Variants in DMBX1 observed in about 807,000 individuals in gnomAD.
DMBX1 encodes the protein diencephalon/mesencephalon homeobox protein 1.
In DMBX1, 7 loss-of-function variants were observed where a neutral mutation model predicts 30.4. The ratio of observed to expected loss-of-function variants is 0.23; its 90% CI spans 0.13 to 0.43. The LOEUF (loss-of-function observed/expected upper bound fraction) is 0.43, where lower values mean the gene tolerates loss of function less well. Among genes scored for constraint, DMBX1 ranks in the 20% least tolerant of loss-of-function variants. DMBX1 has a pLI of 1.00. For missense variants in DMBX1, 460 were observed against 508.5 expected (o/e 0.90, Z 0.92); for synonymous variants, 222 against 214.2 (o/e 1.04, Z -0.32).
At chr1:46,501,334 G>A (rs1327910663) in intron 2 of DMBX1, among the ~76,000 whole-genome samples, 1 of 149,540 alleles carries the variant, frequency 6.7e-6, no homozygotes, top group Non-Finnish European at 1.5e-5. Context: ...AGGCTGGAGT[G>A]CAGTGACATG....
Position 46,512,663 on chromosome 1 carries a change from C to A in DMBX1, c.*169C>A. The A allele has an allele frequency of 1.4e-6, 1 of 730,712 alleles. No homozygotes were observed. The highest frequency in any genetic ancestry group is 2.2e-6 in the Non-Finnish European group (1 of 457,792). 45.3% of individuals were successfully genotyped at this position (730,712 alleles called of 1,614,324 possible). ...CCCCAGCCCGAGGTGAAGCCCACAC[C>A]TACACACCCTCTGCATGGCCCTGCC... On this transcript the variant is annotated 3_prime_UTR_variant, in exon 6 of 6. Transcript: ENST00000360032. This position sits in a 1 kb window ranked among gnomAD's most constrained non-coding sequence, Gnocchi z 4.8.
intron 2 of DMBX1, among the ~76,000 whole-genome samples, chr1:46,500,859 C>T (rs940984010): frequency 5.3e-5 from 8 of 152,144 alleles, no homozygotes; most frequent in Non-Finnish European, 7.3e-5. Context: ...AATCCTCTCT[C>T]GATGGACAGT....
chr1:46,489,995 G>T (rs958538731), intron 1 of DMBX1, among the ~76,000 whole-genome samples, 118 bp downstream of exon 1: 1 of 152,178 alleles, frequency 6.6e-6, no homozygotes, highest in African/African-American at 2.4e-5. Flanking sequence ...CTGCAGTCCC[G>T]GACCCACTGG....
intron 2 of DMBX1, among the ~76,000 whole-genome samples, chr1:46,496,833 G>A: frequency 6.6e-6 from 1 of 152,206 alleles, no homozygotes; most frequent in Middle Eastern, 3.2e-3. Flanking sequence ...TGGAGTTGGG[G>A]CAGGAGCCCT....
chr1:46,510,717 T>G lies in DMBX1; in HGVS notation c.333+63T>G. ...ACACCAGCCCATCAGTCTGCCCGCT[T>G]GTCCAGGAGCCAGCATGTCATCCCT... On this transcript the variant is annotated intron_variant, in intron 4 of 5. Coordinates refer to ENST00000360032, the MANE Select transcript of DMBX1 (RefSeq NM_172225.2). The surrounding 1 kb of genome is among the most constrained non-coding windows in gnomAD (Gnocchi z 4.1). 2 of 1,553,788 alleles carry G rather than the reference T, an allele frequency of 1.3e-6. No individual in the cohort carries two copies. Among genetic ancestry groups the G allele is most frequent in the East Asian group, 4.5e-5 (2 of 43,960 alleles).
At chr1:46,508,611 C>G (rs1666286705) in intron 3 of DMBX1, among the ~76,000 whole-genome samples, 1 of 152,168 alleles carries the variant, frequency 6.6e-6, no homozygotes, top group Non-Finnish European at 1.5e-5. Context: ...GACCAGAGCA[C>G]AGAGAGGAGT....
intron 2 of DMBX1, among the ~76,000 whole-genome samples, chr1:46,496,685 C>T (rs55976627): frequency 0.2 from 29,693 of 152,222 alleles, 2,992 homozygotes; most frequent in South Asian, 0.27. Context: ...CGAATCCCTC[C>T]TTTTCGGCCT....
intron 2 of DMBX1, among the ~76,000 whole-genome samples, chr1:46,500,972 G>A (rs1368087136): frequency 6.6e-6 from 1 of 151,990 alleles, no homozygotes; most frequent in Non-Finnish European, 1.5e-5. Context: ...TGGAATCATT[G>A]GGTCAAAGAC....
At chr1:46,509,292 T>G (rs1666305298) in intron 3 of DMBX1, among the ~76,000 whole-genome samples, 1 of 152,280 alleles carries the variant, frequency 6.6e-6, no homozygotes, top group South Asian at 2.1e-4. Flanking sequence ...CAGGCTGGTC[T>G]CGAACTCCTG....
At position 46,491,100 on chromosome 1, in the gene DMBX1, G is replaced by C. The variant is rs551802999; in HGVS notation, c.-13+317G>C. Among the ~76,000 whole-genome samples, 1 of 152,320 alleles carries C rather than the reference G, an allele frequency of 6.6e-6. No homozygotes were observed. Among genetic ancestry groups the C allele is most frequent in the Non-Finnish European group, 1.5e-5 (1 of 68,030 alleles). On this transcript the variant is annotated intron_variant, in intron 2 of 5. Coordinates refer to ENST00000360032, the MANE Select transcript of DMBX1 (RefSeq NM_172225.2). This position sits in a 1 kb window ranked among gnomAD's most constrained non-coding sequence, Gnocchi z 5.5. ...GCGGTCACAAATTCCCGGAACCTGC[G>C]CAGGGGCTTCGTTGGCACTGGTGGT...
At chr1:46,509,590 CTAGACCTCGGCCCTAGG>C (rs1429921792) in intron 3 of DMBX1, among the ~76,000 whole-genome samples, 1 of 152,158 alleles carries the variant, frequency 6.6e-6, no homozygotes, top group Non-Finnish European at 1.5e-5. Flanking sequence ...AGGATGGAGG[CTAGACCTCGGCCCTAGG>C]TAGACACCTA....
rs181867514 is a variant in DMBX1, at chr1:46,494,905, G to C, written c.-13+4122G>C. 4.6e-5 allele frequency among the ~76,000 whole-genome samples: 7 copies of C among 152,318 alleles called. No homozygotes were observed. In the East Asian group the frequency reaches 1.4e-3, roughly 29 times the overall value. On this transcript the variant is annotated intron_variant, in intron 2 of 5. Coordinates refer to ENST00000360032, the MANE Select transcript of DMBX1 (RefSeq NM_172225.2). ...CAGGGTTAACGGTGGCGATGTGGGG[G>C]TCATGATACCTATGCCACTGGCTGG...
intron 2 of DMBX1, among the ~76,000 whole-genome samples, chr1:46,501,200 T>C (rs1036153317): frequency 2.3e-4 from 16 of 70,030 alleles, no homozygotes; most frequent in Admixed American, 6.7e-4. Context: ...CTCCCTTCCT[T>C]CCTTCCTTCC....
In DMBX1 at chr1:46,515,279, C is replaced by CTGGATAGG. The variant is rs56238996; in HGVS notation, c.*2787_*2794dup. Among the ~76,000 whole-genome samples, 29,521 of 151,942 alleles carry CTGGATAGG rather than the reference C, an allele frequency of 0.19. 2,905 individuals are homozygous for CTGGATAGG. The highest frequency in any genetic ancestry group is 0.26 in the South Asian group (1,267 of 4,808). On this transcript the variant is annotated 3_prime_UTR_variant, in exon 6 of 6. Transcript: ENST00000360032. ...TGTTTCTAAAACAAAAAATAATCAT[C>CTGGATAGG]TGGATAGGTATGGGAAGCTTCCTAG...
chr1:46,496,919 C>G (rs996658193), intron 2 of DMBX1, among the ~76,000 whole-genome samples: 2 of 152,202 alleles, frequency 1.3e-5, no homozygotes, highest in African/African-American at 4.8e-5. Context: ...CTTCAAACTG[C>G]AAAGCAGGAG....
intron 2 of DMBX1, among the ~76,000 whole-genome samples, chr1:46,505,867 C>T (rs1050276959): frequency 6.6e-6 from 1 of 151,268 alleles, no homozygotes; most frequent in African/African-American, 2.4e-5. Context: ...CTCAACTTGT[C>T]ACTGTTCTTT....
intron 3 of DMBX1, among the ~76,000 whole-genome samples, chr1:46,508,788 C>T (rs190428596): frequency 6.6e-6 from 1 of 152,250 alleles, no homozygotes; most frequent in Non-Finnish European, 1.5e-5. Flanking sequence ...GAGAGCCTGG[C>T]TTCCCTGTGA....
chr1:46,507,186 C>T (rs1457102276), intron 3 of DMBX1, 22 bp downstream of exon 3: 1 of 1,613,454 alleles, frequency 6.2e-7, no homozygotes. Context: ...GGGGATGGGA[C>T]CATGGGGACA....
intron 2 of DMBX1, among the ~76,000 whole-genome samples, chr1:46,501,270 C>CTTTA (rs1557786149): frequency 9.5e-6 from 1 of 105,580 alleles, no homozygotes. Context: ...TTCTTTCTTT[C>CTTTA]TCTTCTTTCT....
Sources: allele counts gnomAD v4.1 joint callset (sites outside exome capture counted in the v4.1 genomes callset), GRCh38; gene constraint gnomAD v4.1.1; non-coding constraint Gnocchi (gnomAD v3.1); transcripts MANE v1.5; gene names NCBI Gene and HGNC (gene_info 2026-07-23, HGNC 2026-07-21).